The following SEPTIN11 variants were observed in gnomAD, a reference collection of about 807,000 sequenced individuals.
SEPTIN11 encodes the protein septin 11, also known as septin-11.
SEPTIN11 carries 25 observed loss-of-function variants against 51.4 expected under a neutral mutation model. That is an observed-to-expected ratio of 0.49 (90% confidence interval 0.35 to 0.68). SEPTIN11 has a LOEUF of 0.68. Among genes scored for constraint, SEPTIN11 ranks in the 30% least tolerant of loss-of-function variants. The probability of loss-of-function intolerance (pLI) is 0.00; values close to 1 mark genes in which losing one functional copy is unlikely to be tolerated. For synonymous variants in SEPTIN11, 174 were observed against 184.1 expected (o/e 0.95, Z 0.44); for missense variants, 381 against 520.8 (o/e 0.73, Z 2.61).
intron 1 of SEPTIN11, among the ~76,000 whole-genome samples, chr4:76,983,794 G>T (rs1322829426): frequency 6.6e-6 from 1 of 152,174 alleles, no homozygotes; most frequent in African/African-American, 2.4e-5. Flanking sequence ...CAGATCACAA[G>T]GTCAGGAGTT....
chr4:77,030,266 G>A (rs770857718), intron 8 of SEPTIN11, among the ~76,000 whole-genome samples: 20 of 152,106 alleles, frequency 1.3e-4, no homozygotes, highest in Non-Finnish European at 2.6e-4. Context: ...GTCCCAAGGA[G>A]TTCTAGTGTC....
chr4:76,967,157 C>T (rs1285365451), intron 1 of SEPTIN11, among the ~76,000 whole-genome samples: 2 of 151,558 alleles, frequency 1.3e-5, no homozygotes, highest in African/African-American at 2.4e-5. Context: ...AGATCATGCC[C>T]CTTTACTGCA....
intron 1 of SEPTIN11, among the ~76,000 whole-genome samples, chr4:76,990,443 A>G (rs1020194869): frequency 3.3e-5 from 5 of 152,112 alleles, no homozygotes; most frequent in African/African-American, 1.2e-4. Flanking sequence ...CAGGCTGCCA[A>G]CTGAGACCAG....
intron 1 of SEPTIN11, among the ~76,000 whole-genome samples, chr4:76,961,618 C>A (rs939384955): frequency 1.3e-5 from 2 of 152,154 alleles, no homozygotes; most frequent in Non-Finnish European, 2.9e-5. Flanking sequence ...CATTAGCCTG[C>A]GGTTGTGCAA....
chr4:76,960,396 A>G (rs1416802730), intron 1 of SEPTIN11, among the ~76,000 whole-genome samples: 1 of 152,172 alleles, frequency 6.6e-6, no homozygotes, highest in Non-Finnish European at 1.5e-5. Flanking sequence ...TTGATAATCA[A>G]ATTTGCTCCT....
rs778682030 is a variant in SEPTIN11 at position 77,019,165 on chromosome 4, G to A, written c.688G>A (p.Val230Ile). Residue 230 changes from valine to isoleucine, a missense_variant and splice_region_variant, in exon 6 of 10, where the codon GTC (valine) becomes ATC (isoleucine). Physicochemically the swap from Val to Ile is conservative, Grantham distance 29 (BLOSUM62 3). Around this residue, in one of 2 missense-constraint regions of SEPTIN11, gnomAD observed 197 missense variants for 313.1 expected, o/e 0.63. Coordinates refer to ENST00000264893, the MANE Select transcript of SEPTIN11 (RefSeq NM_018243.4). ...TATTCTCTGTCCTTTTGCTTGGCAG[G>A]TCCATCTCCCATTTGCAGTGGTTGG... ...TVAEINATMSVHLPFAVVGST... is the reference protein window; with the variant it reads ...TVAEINATMSIHLPFAVVGST... The A allele has an allele frequency of 5.4e-5, 87 of 1,612,358 alleles. No individual in the cohort carries two copies. The highest frequency in any genetic ancestry group is 7.1e-5 in the Non-Finnish European group (84 of 1,179,374).
intron 1 of SEPTIN11, among the ~76,000 whole-genome samples, chr4:76,956,401 A>C (rs903518474): frequency 3.9e-5 from 6 of 152,240 alleles, no homozygotes; most frequent in Admixed American, 3.9e-4. Flanking sequence ...CTTTTAGACC[A>C]ACATGCATAC....
At chr4:76,971,942 C>G (rs1722265571) in intron 1 of SEPTIN11, among the ~76,000 whole-genome samples, 1 of 152,136 alleles carries the variant, frequency 6.6e-6, no homozygotes, top group South Asian at 2.1e-4. Flanking sequence ...AGGATGTAAG[C>G]TATTTTTTTA....
chr4:77,026,108 G>A (rs1726124509), intron 7 of SEPTIN11, among the ~76,000 whole-genome samples: 1 of 152,202 alleles, frequency 6.6e-6, no homozygotes, highest in Non-Finnish European at 1.5e-5. Flanking sequence ...ACTGAGTTGT[G>A]ATTCATAGTT....
At chr4:77,019,090 A>T in intron 5 of SEPTIN11, 75 bp from the exon 6 acceptor site, 1 of 1,363,594 alleles carries the variant, frequency 7.3e-7, no homozygotes, top group South Asian at 1.3e-5. Context: ...AGAAGGAGGG[A>T]GAAGATAGAG....
At chr4:77,034,344 C>T (rs1287361148) in intron 9 of SEPTIN11, among the ~76,000 whole-genome samples, 153 bp from the exon 10 acceptor site, 1 of 152,176 alleles carries the variant, frequency 6.6e-6, no homozygotes, top group Non-Finnish European at 1.5e-5. Flanking sequence ...TGTAGAGTAG[C>T]CTTCTCAAAT....
Position 76,958,778 on chromosome 4 carries a change from A to C in SEPTIN11, c.27+8848A>C, listed in dbSNP as rs1721673275. 2.4e-5 allele frequency: 20 copies of C among 840,938 alleles called. No individual in the cohort carries two copies. In the South Asian group the frequency reaches 3.2e-4, roughly 13 times the overall value. 52.1% of individuals were successfully genotyped at this position (840,938 alleles called of 1,614,324 possible). On this transcript the variant is annotated intron_variant, in intron 1 of 9. Transcript: ENST00000264893. ...GATGGCAATTAGGTTTATAATCTTC[A>C]TACTTTATGTTTTTTGTAAATTAAA...
intron 2 of SEPTIN11, among the ~76,000 whole-genome samples, chr4:76,997,867 C>T (rs1351921849): frequency 6.6e-6 from 1 of 152,184 alleles, no homozygotes; most frequent in Non-Finnish European, 1.5e-5. Flanking sequence ...AGGCCAATTA[C>T]TATTCTGGCT....
intron 6 of SEPTIN11, among the ~76,000 whole-genome samples, chr4:77,019,480 G>A (rs1725540332): frequency 6.6e-6 from 1 of 152,190 alleles, no homozygotes; most frequent in Non-Finnish European, 1.5e-5. Context: ...AGCCCTTGAG[G>A]TAACCCCTCA....
Position 77,037,764 on chromosome 4 carries a change from G to T in SEPTIN11, c.*3252G>T. On this transcript the variant is annotated 3_prime_UTR_variant, in exon 10 of 10. Coordinates refer to ENST00000264893, the MANE Select transcript of SEPTIN11 (RefSeq NM_018243.4). Reference sequence around the variant, plus strand: ...TTGATGAGAATTTATTGGCAGTTCAGATTGTGTTTTCCCAACTTAGGCTCT... The same window carrying T: ...TTGATGAGAATTTATTGGCAGTTCATATTGTGTTTTCCCAACTTAGGCTCT... The T allele has an allele frequency of 2.0e-6, 2 of 985,892 alleles. No individual in the cohort carries two copies. Among genetic ancestry groups the T allele is most frequent in the Non-Finnish European group, 1.2e-6 (1 of 829,940 alleles). The allele number at this position is 985,892 out of a possible 1,614,324, so 61.1% of individuals were successfully genotyped here. A position where few individuals can be genotyped will look rare whatever the true frequency, so the allele number is the denominator to read the frequency against.
chr4:77,020,874 C>A, intron 7 of SEPTIN11: 2 of 547,520 alleles, frequency 3.7e-6, no homozygotes, highest in Admixed American at 6.9e-5. Context: ...TCATTATTAT[C>A]CACATTTTAC....
chr4:76,986,591 T>G (rs1723047290), intron 1 of SEPTIN11, among the ~76,000 whole-genome samples: 1 of 152,218 alleles, frequency 6.6e-6, no homozygotes, highest in Admixed American at 6.5e-5. Flanking sequence ...ACAGCTAAAC[T>G]ATGAAAGAGG....
chr4:77,038,029 C>T lies in SEPTIN11; in HGVS notation c.*3517C>T. On this transcript the variant is annotated 3_prime_UTR_variant, in exon 10 of 10. Transcript: ENST00000264893. ...TGAGGTTTTTCAGCTGTTACCGACC[C>T]ACGTCCTGCTGTCTCTGTGTGGTCC... 1.0e-6 allele frequency: 1 copy of T among 985,876 alleles called. No homozygotes were observed. The highest frequency in any genetic ancestry group is 1.2e-6 in the Non-Finnish European group (1 of 829,944). 61.1% of individuals were successfully genotyped at this position (985,876 alleles called of 1,614,324 possible).
intron 1 of SEPTIN11, among the ~76,000 whole-genome samples, chr4:76,975,546 G>A (rs1291132270): frequency 6.6e-6 from 1 of 152,130 alleles, no homozygotes; most frequent in Non-Finnish European, 1.5e-5. Context: ...AAAATTAGCT[G>A]AGATGCATTG....
Sources: allele counts gnomAD v4.1 joint callset (sites outside exome capture counted in the v4.1 genomes callset), GRCh38; gene constraint gnomAD v4.1.1; regional missense constraint gnomAD v4.1.1; transcripts MANE v1.5; gene names NCBI Gene and HGNC (gene_info 2026-07-23, HGNC 2026-07-21).